Variants in CIAO2B observed in about 807,000 individuals in gnomAD.
CIAO2B encodes the protein MSS19-interacting protein of 18 kDa.
Under a neutral mutation model 16.4 loss-of-function variants are expected in CIAO2B, and 20 were observed. That is an observed-to-expected ratio of 1.22 (90% CI 0.86 to 1.77). The LOEUF is 1.77. Ranked by LOEUF, CIAO2B falls within the 40% of genes most tolerant of loss-of-function variation. The probability of loss-of-function intolerance (pLI) is 0.00; values close to 1 mark genes in which losing one functional copy is unlikely to be tolerated. For synonymous variants in CIAO2B, 106 were observed against 90.4 expected (o/e 1.17, Z -0.98); for missense variants, 215 against 222.4 (o/e 0.97, Z 0.21).
chr16:66,933,022 C>T (rs902963030), intron 3 of CIAO2B, among the ~76,000 whole-genome samples, 197 bp from the exon 4 acceptor site: 2 of 151,946 alleles, frequency 1.3e-5, no homozygotes, highest in Non-Finnish European at 2.9e-5. Flanking sequence ...GAGTCTTGCT[C>T]TGTTGCCCAG....
At position 66,933,743 on chromosome 16, in the gene CIAO2B, GT is replaced by G; in HGVS notation, c.223-5del. The G allele has an allele frequency of 6.5e-7, 1 of 1,541,542 alleles. No individual in the cohort carries two copies. Among genetic ancestry groups the G allele is most frequent in the Admixed American group, 2.0e-5 (1 of 50,166 alleles). On this transcript the variant is annotated splice_polypyrimidine_tract_variant and splice_region_variant and intron_variant, in intron 2 of 4. Transcript: ENST00000422424. ...CTGTACTCTCGGGGTCGCTAACCTG[GT>G]TGTGGAGGAGAGATGTCAAGAGTCA...
intron 2 of CIAO2B, 55 bp downstream of exon 2, chr16:66,933,932 C>A (rs779495185): frequency 3.7e-6 from 6 of 1,604,270 alleles, no homozygotes; most frequent in Non-Finnish European, 1.7e-6. Context: ...GCTCCTGCTG[C>A]ACAGAAACCT....
chr16:66,933,502 C>G, intron 3 of CIAO2B, 112 bp downstream of exon 3: 1 of 1,376,246 alleles, frequency 7.3e-7, no homozygotes, highest in Non-Finnish European at 9.7e-7. Flanking sequence ...TAATGGGGAT[C>G]CTTCCAGGCC....
rs775565018 is a variant in CIAO2B at position 66,934,395 on chromosome 16, C to A, written c.-31G>T. The stretch of plus-strand genomic sequence containing the variant: ...AACCACCACCGCTGATCCTAGCAGG[C>A]GTGCGCTTCCGCTCCAACCCGCGCA... On this transcript the variant is annotated 5_prime_UTR_variant, in exon 1 of 5. Transcript: ENST00000422424. The surrounding 1 kb of genome is among the most constrained non-coding windows in gnomAD (Gnocchi z 4.1). The A allele has an allele frequency of 9.4e-6, 14 of 1,486,602 alleles. No individual in the cohort carries two copies. Among genetic ancestry groups the A allele is most frequent in the African/African-American group, 1.4e-5 (1 of 71,472 alleles). The allele number at this position is 1,486,602 out of a possible 1,614,324, so 92.1% of individuals were successfully genotyped here. A position where few individuals can be genotyped will look rare whatever the true frequency, so the allele number is the denominator to read the frequency against.
chr16:66,934,127 C>A lies in CIAO2B; in HGVS notation c.143-61G>T. On this transcript the variant is annotated intron_variant, in intron 1 of 4. Coordinates refer to ENST00000422424, the MANE Select transcript of CIAO2B (RefSeq NM_016062.4). This position sits in a 1 kb window ranked among gnomAD's most constrained non-coding sequence, Gnocchi z 4.1. ...CCCACTTAGAACCCTCTGCCAGGAA[C>A]GCCCTGCTGGGATGCGGCTCCACCA... 1 of 1,611,578 alleles carries A rather than the reference C, an allele frequency of 6.2e-7. No individual in the cohort carries two copies. The highest frequency in any genetic ancestry group is 1.1e-5 in the South Asian group (1 of 90,730).
rs1369467327 is a variant in CIAO2B, at chr16:66,934,085, G to A, written c.143-19C>T. 4 of 1,613,162 alleles carry A rather than the reference G, an allele frequency of 2.5e-6. No homozygotes were observed. The highest frequency in any genetic ancestry group is 3.4e-6 in the Non-Finnish European group (4 of 1,179,682). On this transcript the variant is annotated intron_variant, in intron 1 of 4. Transcript: ENST00000422424. The surrounding 1 kb of genome is among the most constrained non-coding windows in gnomAD (Gnocchi z 4.1). ...ATCAGATGTGGGAAGTGAAGGAAAA[G>A]GGACTCTGCGCCCTTGCCCACTTAG...
In CIAO2B at chr16:66,934,335, G is replaced by C; in HGVS notation, c.30C>G (p.Gly10=). The C allele has an allele frequency of 6.3e-7, 1 of 1,584,948 alleles. No individual in the cohort carries two copies. Among genetic ancestry groups the C allele is most frequent in the Non-Finnish European group, 8.5e-7 (1 of 1,171,562 alleles). ...TGAGGGGGTTGGCATTCTCCAGGAGGCCGCCGCCGACCCCGCCGCCGCCTA... is the reference window on the plus strand; with the variant it reads ...TGAGGGGGTTGGCATTCTCCAGGAGCCCGCCGCCGACCCCGCCGCCGCCTA... MVGGGGVGG[G]LLENANPLIY... Residue 10 remains glycine (G), a synonymous_variant, in exon 1 of 5, where the codon GGC becomes GGG. Coordinates refer to ENST00000422424, the MANE Select transcript of CIAO2B (RefSeq NM_016062.4). The surrounding 1 kb of genome is among the most constrained non-coding windows in gnomAD (Gnocchi z 4.1).
At position 66,934,050 on chromosome 16, in the gene CIAO2B, G is replaced by C; in HGVS notation, c.159C>G (p.Ile53Met). ...GCGTCAGTGGATGCTCCGGGTCATT[G>C]ATGGAGCGAATCAGATGTGGGAAGT... Reference protein sequence around the residue: ...AREIFDLIRSINDPEHPLTLE... With the variant: ...AREIFDLIRSMNDPEHPLTLE... The change falls in exon 2 of 5, where the codon ATC becomes ATG. Residue 53 changes from isoleucine to methionine, a missense_variant. By Grantham distance (10) the Ile-to-Met change is conservative (BLOSUM62 1). Coordinates refer to ENST00000422424, the MANE Select transcript of CIAO2B (RefSeq NM_016062.4). This position sits in a 1 kb window ranked among gnomAD's most constrained non-coding sequence, Gnocchi z 4.1. 1.2e-6 allele frequency: 2 copies of C among 1,613,734 alleles called. No individual in the cohort carries two copies. Among genetic ancestry groups the C allele is most frequent in the Non-Finnish European group, 1.7e-6 (2 of 1,179,848 alleles).
chr16:66,934,105 AC>A lies in CIAO2B; in HGVS notation c.143-40del. Reference sequence around the variant, plus strand: ...GAAAAGGGACTCTGCGCCCTTGCCCACTTAGAACCCTCTGCCAGGAACGCCC... The same window carrying A: ...GAAAAGGGACTCTGCGCCCTTGCCCATTAGAACCCTCTGCCAGGAACGCCC... On this transcript the variant is annotated intron_variant, in intron 1 of 4. Coordinates refer to ENST00000422424, the MANE Select transcript of CIAO2B (RefSeq NM_016062.4). The surrounding 1 kb of genome is among the most constrained non-coding windows in gnomAD (Gnocchi z 4.1). The A allele has an allele frequency of 3.1e-6, 5 of 1,612,492 alleles. No individual in the cohort carries two copies. The highest frequency in any genetic ancestry group is 4.2e-6 in the Non-Finnish European group (5 of 1,179,430).
chr16:66,934,348 C>G lies in CIAO2B; in HGVS notation c.17G>C (p.Gly6Ala), dbSNP rs1173082905. The change falls in exon 1 of 5, where the codon GGG (glycine) becomes GCG (alanine). Residue 6 changes from glycine to alanine, a missense_variant. Transcript: ENST00000422424. The surrounding 1 kb of genome is among the most constrained non-coding windows in gnomAD (Gnocchi z 4.1). ...ATTCTCCAGGAGGCCGCCGCCGACC[C>G]CGCCGCCGCCTACCATCGCGGAACC... MVGGGGVGGGLLENAN... is the reference protein window; with the variant it reads MVGGGAVGGGLLENAN... 1.3e-6 allele frequency: 2 copies of G among 1,567,754 alleles called. No homozygotes were observed. The highest frequency in any genetic ancestry group is 1.7e-6 in the Non-Finnish European group (2 of 1,163,680).
At position 66,932,785 on chromosome 16, in the gene CIAO2B, T is replaced by C; in HGVS notation, c.389A>G (p.His130Arg). ...CACCACCAGTCCACACTTACCTGCATGCTCTGAGGCATGGGTCCCCGGAGT... is the reference window on the plus strand; with the variant it reads ...CACCACCAGTCCACACTTACCTGCACGCTCTGAGGCATGGGTCCCCGGAGT... ...HITPGTHASE[H>R]AVNKQLADKE... The change falls in exon 4 of 5, where the codon CAT (histidine) becomes CGT (arginine). Residue 130 changes from histidine to arginine, a missense_variant. Coordinates refer to ENST00000422424, the MANE Select transcript of CIAO2B (RefSeq NM_016062.4). The C allele has an allele frequency of 1.2e-6, 2 of 1,610,986 alleles. No homozygotes were observed. Among genetic ancestry groups the C allele is most frequent in the Non-Finnish European group, 1.7e-6 (2 of 1,178,642 alleles).
chr16:66,933,958 A>G (rs372094919), intron 2 of CIAO2B, 29 bp downstream of exon 2: 1 of 1,612,386 alleles, frequency 6.2e-7, no homozygotes, highest in Non-Finnish European at 8.5e-7. Flanking sequence ...ACTCTCTGGA[A>G]CAACTCGCTC....
intron 3 of CIAO2B, 174 bp downstream of exon 3, chr16:66,933,440 C>T (rs1963102820): frequency 1.1e-6 from 1 of 891,082 alleles, no homozygotes; most frequent in Non-Finnish European, 1.7e-6. Flanking sequence ...CAGCTCAGAT[C>T]TTTATTCTTG....
At chr16:66,933,403 C>T in intron 3 of CIAO2B, 1 of 689,796 alleles carries the variant, frequency 1.4e-6, no homozygotes. Flanking sequence ...CTTCCTGCCA[C>T]ACTCTTCAAT....
chr16:66,933,910 T>C, intron 2 of CIAO2B, 77 bp downstream of exon 2: 3 of 1,584,932 alleles, frequency 1.9e-6, no homozygotes, highest in Non-Finnish European at 2.6e-6. Flanking sequence ...TTCGTGAGCA[T>C]AGAGCACGCC....
rs762975687 is a variant in CIAO2B at position 66,934,280 on chromosome 16, T to A, written c.85A>T (p.Thr29Ser). The A allele has an allele frequency of 9.3e-6, 15 of 1,608,962 alleles. No homozygotes were observed. The highest frequency in any genetic ancestry group is 1.3e-5 in the Non-Finnish European group (15 of 1,179,582). The part of the protein sequence containing the change: ...IYQRSGERPV[T>S]AGEEDEQVPD... Reference sequence around the variant, plus strand: ...ACCTGCTCGTCCTCCTCGCCTGCCGTCACAGGCCGCTCCCCAGAGCGCTGG... The same window carrying A: ...ACCTGCTCGTCCTCCTCGCCTGCCGACACAGGCCGCTCCCCAGAGCGCTGG... Residue 29 changes from threonine to serine, a missense_variant, in exon 1 of 5, where the codon ACG (threonine) becomes TCG (serine). Physicochemically the swap from Thr to Ser is moderately conservative, Grantham distance 58. Transcript: ENST00000422424. This position sits in a 1 kb window ranked among gnomAD's most constrained non-coding sequence, Gnocchi z 4.1.
chr16:66,932,242 G>A lies in CIAO2B; in HGVS notation c.453C>T (p.Leu151=). Residue 151 remains leucine, a synonymous_variant, in exon 5 of 5, where the codon CTC becomes CTT. Coordinates refer to ENST00000422424, the MANE Select transcript of CIAO2B (RefSeq NM_016062.4). ...ACAGGCACTGATTCACAACCTCCAAGAGGTGGGTGTTCTCCAGGGCAGCTG... is the reference window on the plus strand; with the variant it reads ...ACAGGCACTGATTCACAACCTCCAAAAGGTGGGTGTTCTCCAGGGCAGCTG... ...RVAAALENTH[L]LEVVNQCLSA... 1 of 1,613,914 alleles carries A rather than the reference G, an allele frequency of 6.2e-7. No individual in the cohort carries two copies. Among genetic ancestry groups the A allele is most frequent in the Non-Finnish European group, 8.5e-7 (1 of 1,179,866 alleles).
Position 66,934,138 on chromosome 16 carries a change from G to T in CIAO2B, c.143-72C>A, listed in dbSNP as rs1597000600. The T allele has an allele frequency of 1.9e-6, 3 of 1,611,434 alleles. No individual in the cohort carries two copies. The East Asian group carries it at 6.7e-5, about 36-fold the overall frequency. On this transcript the variant is annotated intron_variant, in intron 1 of 4. Transcript: ENST00000422424. The surrounding 1 kb of genome is among the most constrained non-coding windows in gnomAD (Gnocchi z 4.1). ...CCCTCTGCCAGGAACGCCCTGCTGGGATGCGGCTCCACCAGCTGCTCGATA... is the reference window on the plus strand; with the variant it reads ...CCCTCTGCCAGGAACGCCCTGCTGGTATGCGGCTCCACCAGCTGCTCGATA...
chr16:66,934,195 C>T lies in CIAO2B; in HGVS notation c.142+28G>A. 2 of 1,608,048 alleles carry T rather than the reference C, an allele frequency of 1.2e-6. No individual in the cohort carries two copies. The highest frequency in any genetic ancestry group is 8.5e-7 in the Non-Finnish European group (1 of 1,177,292). On this transcript the variant is annotated intron_variant, in intron 1 of 4. Transcript: ENST00000422424. The surrounding 1 kb of genome is among the most constrained non-coding windows in gnomAD (Gnocchi z 4.1). ...CTCCCCCCACCGCAAGCCCCCGGAACCCGCCCGCGCCCAGCAGCGGCGGAT... is the reference window on the plus strand; with the variant it reads ...CTCCCCCCACCGCAAGCCCCCGGAATCCGCCCGCGCCCAGCAGCGGCGGAT...
Sources: gnomAD v4.1 joint callset for allele counts (sites outside exome capture counted in the v4.1 genomes callset) on GRCh38, gnomAD v4.1.1 for gene constraint, Gnocchi (gnomAD v3.1) non-coding constraint, MANE v1.5 for transcripts, NCBI Gene and HGNC (gene_info 2026-07-23, HGNC 2026-07-21) for gene names.